The following MYPN variants were observed in gnomAD, a reference collection of about 807,000 sequenced individuals.
The protein encoded by MYPN is sarcomeric protein myopalladin, 145 kDa (MYOP).
Under a neutral mutation model 129.4 loss-of-function variants are expected in MYPN, and 63 were observed. The ratio of observed to expected loss-of-function variants is 0.49; its 90% CI spans 0.40 to 0.60. MYPN has a LOEUF of 0.60. Ranked by LOEUF, MYPN falls within the 20% of genes least tolerant of loss-of-function variation. The probability of loss-of-function intolerance (pLI) is 0.00; values close to 1 mark genes in which losing one functional copy is unlikely to be tolerated. For missense variants in MYPN, 1,596 were observed against 1,635.4 expected, an observed-to-expected ratio of 0.98 and a Z score of 0.42; for synonymous variants, 629 against 600.9, an observed-to-expected ratio of 1.05 and a Z score of -0.68.
At chr10:68,146,303 A>G (rs1211214048) in intron 4 of MYPN, among the ~76,000 whole-genome samples, 5 of 152,044 alleles carry the variant, frequency 3.3e-5, no homozygotes. Context: ...GGATTGCCCT[A>G]TCTTCTCTGT....
chr10:68,106,543 T>C (rs1016994446), upstream of MYPN: 2 of 665,198 alleles, frequency 3.0e-6, no homozygotes, highest in Admixed American at 4.5e-5. Context: ...GGCATAGAGG[T>C]TTTGTTTAGT....
At chr10:68,207,332 T>C (rs773385788) in intron 19 of MYPN, among the ~76,000 whole-genome samples, 1 of 152,198 alleles carries the variant, frequency 6.6e-6, no homozygotes. Context: ...TATATTTTAG[T>C]GCTTAAGAGA....
intron 6 of MYPN, among the ~76,000 whole-genome samples, chr10:68,156,857 T>C (rs1201482428): frequency 1.3e-5 from 2 of 152,256 alleles, no homozygotes; most frequent in Non-Finnish European, 2.9e-5. Context: ...TAGAAATCCA[T>C]GCAGCATTTG....
intron 2 of MYPN, among the ~76,000 whole-genome samples, chr10:68,131,115 G>A (rs1322541127): frequency 6.6e-6 from 1 of 152,266 alleles, no homozygotes; most frequent in Non-Finnish European, 1.5e-5. Flanking sequence ...TAGGCCGGGT[G>A]TGGGGGCTCA....
At chr10:68,131,239 A>C (rs1305488423) in intron 2 of MYPN, among the ~76,000 whole-genome samples, 2 of 152,144 alleles carry the variant, frequency 1.3e-5, no homozygotes, top group Non-Finnish European at 2.9e-5. Flanking sequence ...AAATACAAAA[A>C]TTAGCAGAGC....
chr10:68,123,220 C>CA (rs1290929699), intron 2 of MYPN, among the ~76,000 whole-genome samples: 2 of 151,538 alleles, frequency 1.3e-5, no homozygotes, highest in Admixed American at 6.6e-5. Context: ...ACTAAAAATA[C>CA]AAAAAAATTT....
intron 2 of MYPN, among the ~76,000 whole-genome samples, chr10:68,140,844 G>A (rs150881620): frequency 1.0e-3 from 159 of 152,300 alleles, no homozygotes; most frequent in East Asian, 7.0e-3. Context: ...AGGCCAAGGC[G>A]GATGAATCGC....
At chr10:68,167,662 G>A (rs1160897562) in intron 10 of MYPN, among the ~76,000 whole-genome samples, 2 of 152,170 alleles carry the variant, frequency 1.3e-5, no homozygotes, top group Admixed American at 6.5e-5. Context: ...ACTGTGTGTT[G>A]CTCATCACCA....
chr10:68,181,832 G>T (rs2043317459), intron 12 of MYPN, among the ~76,000 whole-genome samples: 1 of 151,964 alleles, frequency 6.6e-6, no homozygotes, highest in Non-Finnish European at 1.5e-5. Flanking sequence ...CCTAACTGTA[G>T]GAGGCATAGC....
At chr10:68,102,689 C>T (rs2041987669), upstream of MYPN, among the ~76,000 whole-genome samples, 2 of 152,052 alleles carry the variant, frequency 1.3e-5, no homozygotes, top group Admixed American at 6.6e-5. Context: ...TGCAGGTGAA[C>T]TGCTCTTTAC....
intron 14 of MYPN, 121 bp downstream of exon 14, chr10:68,194,633 A>G (rs2043574619): frequency 8.4e-7 from 1 of 1,192,156 alleles, no homozygotes; most frequent in Non-Finnish European, 1.2e-6. Flanking sequence ...AATGAGAAGC[A>G]TTGTGATTTT....
At chr10:68,155,542 C>CTGTCTCATT in intron 6 of MYPN, among the ~76,000 whole-genome samples, 2 of 152,292 alleles carry the variant, frequency 1.3e-5, no homozygotes, top group Middle Eastern at 6.8e-3. Flanking sequence ...ACTGTTTGGT[C>CTGTCTCATT]TGTCTCATTT....
chr10:68,210,353 C>T lies in MYPN; in HGVS notation c.3861C>T (p.Leu1287=), dbSNP rs2134357185. 1 of 1,614,172 alleles carries T rather than the reference C, an allele frequency of 6.2e-7. No individual in the cohort carries two copies. The highest frequency in any genetic ancestry group is 8.5e-7 in the Non-Finnish European group (1 of 1,180,042). The change falls in exon 20 of 20, where the codon CTC becomes CTT. Residue 1287 remains leucine (L), a synonymous_variant. Transcript: ENST00000358913. The part of the protein sequence containing the change: ...VRPSGSRYGS[L]TSKGLDIFSA... ...CCAGTGGCAGTCGCTACGGATCTCT[C>T]ACCAGTAAAGGACTTGACATATTTT...
intron 2 of MYPN, among the ~76,000 whole-genome samples, chr10:68,127,073 C>T (rs557859317): frequency 1.3e-5 from 2 of 152,288 alleles, no homozygotes; most frequent in East Asian, 1.9e-4. Context: ...CAACCTCCAC[C>T]TCCTGGGTTC....
At chr10:68,161,896 C>T (rs1209778322) in intron 8 of MYPN, 144 bp downstream of exon 8, 6 of 633,990 alleles carry the variant, frequency 9.5e-6, no homozygotes, top group African/African-American at 1.9e-5. Context: ...GGTGCAGTGG[C>T]TCATGTCTGT....
At chr10:68,089,978 A>G (rs933766673) in intron 1 of MYPN, among the ~76,000 whole-genome samples, 4 of 152,190 alleles carry the variant, frequency 2.6e-5, no homozygotes, top group Non-Finnish European at 5.9e-5. Flanking sequence ...AGGTTTTAGT[A>G]AATAATAAAT....
At chr10:68,192,924 A>G (rs2043539463) in intron 13 of MYPN, among the ~76,000 whole-genome samples, 1 of 151,812 alleles carries the variant, frequency 6.6e-6, no homozygotes, top group East Asian at 1.9e-4. Flanking sequence ...TTCTTAGTCT[A>G]GCTAAATGTT....
chr10:68,182,414 T>TAA, intron 12 of MYPN, among the ~76,000 whole-genome samples: 1 of 61,082 alleles, frequency 1.6e-5, no homozygotes, highest in South Asian at 7.5e-4. Flanking sequence ...CACATATATA[T>TAA]AACATATATA....
intron 2 of MYPN, chr10:68,136,785 T>C: frequency 6.7e-7 from 1 of 1,487,104 alleles, no homozygotes; most frequent in Non-Finnish European, 9.0e-7. Context: ...AATGTTTGTA[T>C]AATGGAAAGT....
Sources: allele counts gnomAD v4.1 joint callset (sites outside exome capture counted in the v4.1 genomes callset), GRCh38; gene constraint gnomAD v4.1.1; transcripts MANE v1.5; gene names NCBI Gene and HGNC (gene_info 2026-07-23, HGNC 2026-07-21).